The following SNTB1 variants were observed in gnomAD, a reference collection of about 807,000 sequenced individuals.
The protein encoded by SNTB1 is beta-1-syntrophin.
SNTB1 carries 36 observed loss-of-function variants against 48.9 expected under a neutral mutation model. That is an observed-to-expected ratio of 0.74 (90% CI 0.56 to 0.97). The LOEUF is 0.97. Ranked by LOEUF, SNTB1 falls within the 50% of genes least tolerant of loss-of-function variation. The pLI is 0.00. For synonymous variants in SNTB1, 299 were observed against 294.6 expected (o/e 1.01, Z -0.15); for missense variants, 786 against 703.4 (o/e 1.12, Z -1.33).
At chr8:120,663,399 C>T (rs571392440) in intron 2 of SNTB1, among the ~76,000 whole-genome samples, 1 of 152,286 alleles carries the variant, frequency 6.6e-6, no homozygotes, top group Non-Finnish European at 1.5e-5. Context: ...ATGGAATGTG[C>T]AAGAAGTTCT....
chr8:120,557,082 T>A (rs569943867), intron 4 of SNTB1, among the ~76,000 whole-genome samples: 89 of 152,296 alleles, frequency 5.8e-4, no homozygotes, highest in South Asian at 1.7e-3. Flanking sequence ...AAAGAAATAG[T>A]CATTTAGATT....
rs1398704867 is a variant in SNTB1 at position 120,537,287 on chromosome 8, G to A, written c.*1590C>T. On this transcript the variant is annotated 3_prime_UTR_variant, in exon 7 of 7. Transcript: ENST00000517992. ...CAATGAACTTTAAAATCTTCAAGGA[G>A]GCAATCGTGAAATCTATTTAACATT... 1 of 152,126 alleles carries A rather than the reference G, an allele frequency of 6.6e-6. No individual in the cohort carries two copies. Among genetic ancestry groups the A allele is most frequent in the African/African-American group, 2.4e-5 (1 of 41,430 alleles). 9.4% of individuals were successfully genotyped at this position (152,126 alleles called of 1,614,324 possible).
At chr8:120,659,050 AC>A (rs1381436161) in intron 2 of SNTB1, among the ~76,000 whole-genome samples, 1 of 149,454 alleles carries the variant, frequency 6.7e-6, no homozygotes, top group Non-Finnish European at 1.5e-5. Flanking sequence ...TGCAACCTCC[AC>A]CCCCTGGGTT....
chr8:120,709,195 G>T (rs756066504), intron 1 of SNTB1, among the ~76,000 whole-genome samples: 11 of 152,048 alleles, frequency 7.2e-5, no homozygotes, highest in African/African-American at 2.4e-4. Flanking sequence ...ATCATGGCTG[G>T]GGTCCTAATT....
chr8:120,672,355 G>C (rs1273796134), intron 2 of SNTB1, among the ~76,000 whole-genome samples: 1 of 152,186 alleles, frequency 6.6e-6, no homozygotes, highest in Non-Finnish European at 1.5e-5. Context: ...CAACATGTAA[G>C]TTACTTGGGA....
intron 1 of SNTB1, among the ~76,000 whole-genome samples, chr8:120,703,090 C>A (rs546729358): frequency 6.6e-6 from 1 of 152,266 alleles, no homozygotes; most frequent in East Asian, 1.9e-4. Context: ...AGCAAATGAA[C>A]AACAAATAGA....
chr8:120,603,490 A>C (rs1292953909), intron 3 of SNTB1, among the ~76,000 whole-genome samples: 1 of 152,178 alleles, frequency 6.6e-6, no homozygotes, highest in Admixed American at 6.5e-5. Context: ...GTGCTTCTCA[A>C]AGTGTAATTC....
intron 2 of SNTB1, among the ~76,000 whole-genome samples, chr8:120,687,142 C>T (rs1417727605): frequency 3.3e-5 from 5 of 152,052 alleles, no homozygotes. Flanking sequence ...TAATGTACCC[C>T]CAAACACTGG....
At chr8:120,724,303 A>C (rs1371352885) in intron 1 of SNTB1, among the ~76,000 whole-genome samples, 1 of 152,186 alleles carries the variant, frequency 6.6e-6, no homozygotes, top group Non-Finnish European at 1.5e-5. Flanking sequence ...TGCCTGCTTT[A>C]ATTAGTTCCA....
chr8:120,642,025 G>A (rs1227153482), intron 2 of SNTB1, among the ~76,000 whole-genome samples: 4 of 152,168 alleles, frequency 2.6e-5, no homozygotes, highest in African/African-American at 9.6e-5. Context: ...GCAAATTATA[G>A]GTTCCCATCT....
intron 1 of SNTB1, among the ~76,000 whole-genome samples, chr8:120,751,648 T>C (rs184241458): frequency 1.3e-5 from 2 of 152,242 alleles, no homozygotes; most frequent in Non-Finnish European, 2.9e-5. Flanking sequence ...CTATTATATA[T>C]ACATTTATAT....
At chr8:120,775,645 A>G (rs1819719230) in intron 1 of SNTB1, 1 of 149,978 alleles carries the variant, frequency 6.7e-6, no homozygotes. Flanking sequence ...GAAGGAAGGA[A>G]GGAAAGAAAG....
At chr8:120,680,416 C>G (rs1381004577) in intron 2 of SNTB1, among the ~76,000 whole-genome samples, 1 of 152,146 alleles carries the variant, frequency 6.6e-6, no homozygotes, top group Non-Finnish European at 1.5e-5. Flanking sequence ...AACACACTAG[C>G]AATGTCAAAA....
chr8:120,810,286 G>A (rs1435927801), intron 1 of SNTB1, among the ~76,000 whole-genome samples: 3 of 152,210 alleles, frequency 2.0e-5, no homozygotes, highest in Non-Finnish European at 4.4e-5. Context: ...AGAGAAACAA[G>A]TGAGAAATGC....
At chr8:120,600,910 T>G (rs1816412043) in intron 3 of SNTB1, among the ~76,000 whole-genome samples, 2 of 151,924 alleles carry the variant, frequency 1.3e-5, no homozygotes, top group Non-Finnish European at 2.9e-5. Flanking sequence ...CAGCCCAGCC[T>G]TGCTCATCTT....
At chr8:120,808,331 C>A (rs150255744) in intron 1 of SNTB1, among the ~76,000 whole-genome samples, 231 of 152,282 alleles carry the variant, frequency 1.5e-3, no homozygotes, top group Non-Finnish European at 2.0e-3. Context: ...TAAAGCCTGG[C>A]ACATATTAAG....
chr8:120,759,854 C>A (rs1201351711), intron 1 of SNTB1, among the ~76,000 whole-genome samples: 2 of 149,036 alleles, frequency 1.3e-5, no homozygotes, highest in African/African-American at 5.2e-5. Flanking sequence ...ATGTGAGGAT[C>A]CTCTCCAGCC....
chr8:120,765,934 A>G (rs763903702), intron 1 of SNTB1: 1 of 152,148 alleles, frequency 6.6e-6, no homozygotes, highest in Non-Finnish European at 1.5e-5. Flanking sequence ...CTGATCACCT[A>G]TGTCTCAGCT....
chr8:120,547,225 A>T (rs7816034), intron 5 of SNTB1, among the ~76,000 whole-genome samples: 48,157 of 152,020 alleles, frequency 0.32, 9,383 homozygotes, highest in African/African-American at 0.56. Flanking sequence ...TACACCCATT[A>T]TTCTATTCTA....
Sources: gnomAD v4.1 joint callset for allele counts (sites outside exome capture counted in the v4.1 genomes callset) on GRCh38, gnomAD v4.1.1 for gene constraint, MANE v1.5 for transcripts, NCBI Gene and HGNC (gene_info 2026-07-23, HGNC 2026-07-21) for gene names.